Variants in FRMD4A observed in about 807,000 individuals in gnomAD.
FRMD4A encodes FERM domain-containing protein 4A.
A neutral mutation model predicts 129.1 loss-of-function variants in FRMD4A; 29 were observed. The observed-to-expected ratio is 0.22, with a 90% CI of 0.17 to 0.31. FRMD4A has a LOEUF of 0.31. FRMD4A is among the 10% of genes least tolerant of loss of function. FRMD4A has a pLI of 1.00. For missense variants in FRMD4A, 1,272 were observed against 1,375.8 expected (o/e 0.92, Z 1.19); for synonymous variants, 634 against 571.6 (o/e 1.11, Z -1.56).
intron 5 of FRMD4A, among the ~76,000 whole-genome samples, chr10:13,793,186 T>TG (rs1212505819): frequency 1.3e-5 from 2 of 151,880 alleles, no homozygotes; most frequent in Non-Finnish European, 2.9e-5. Flanking sequence ...TTTTTTTTTT[T>TG]TGTGAGATGG....
chr10:13,743,478 C>T (rs1169059603), intron 9 of FRMD4A, among the ~76,000 whole-genome samples: 1 of 152,106 alleles, frequency 6.6e-6, no homozygotes, highest in African/African-American at 2.4e-5. Flanking sequence ...GAGAGGGTCC[C>T]TGGGGTGAGT....
chr10:13,686,890 G>T (rs147806845), intron 15 of FRMD4A, among the ~76,000 whole-genome samples: 1 of 152,098 alleles, frequency 6.6e-6, no homozygotes, highest in African/African-American at 2.4e-5. Context: ...CAAGCCACAC[G>T]TCCCTGCAGC....
intron 8 of FRMD4A, among the ~76,000 whole-genome samples, chr10:13,755,817 C>T (rs549426716): frequency 2.6e-4 from 39 of 152,306 alleles, no homozygotes; most frequent in African/African-American, 9.4e-4. Flanking sequence ...GGCATTTCAT[C>T]TTGTAGAGAT....
intron 2 of FRMD4A, among the ~76,000 whole-genome samples, chr10:14,260,695 C>A (rs2132033022): frequency 6.6e-6 from 1 of 152,318 alleles, no homozygotes; most frequent in East Asian, 1.9e-4. Context: ...TATTCACAAC[C>A]ACACAGCCAG....
intron 2 of FRMD4A, among the ~76,000 whole-genome samples, chr10:14,061,629 T>C (rs1157462292): frequency 6.6e-6 from 1 of 152,164 alleles, no homozygotes; most frequent in Non-Finnish European, 1.5e-5. Context: ...TGATTTCTGA[T>C]TTCTGTTCAG....
chr10:14,189,305 T>C (rs1842245276), intron 2 of FRMD4A, among the ~76,000 whole-genome samples: 1 of 152,014 alleles, frequency 6.6e-6, no homozygotes, highest in Non-Finnish European at 1.5e-5. Context: ...CCGGCGCGGT[T>C]GCTCACGCCT....
At chr10:14,108,903 A>G (rs887246099) in intron 2 of FRMD4A, among the ~76,000 whole-genome samples, 1 of 152,156 alleles carries the variant, frequency 6.6e-6, no homozygotes, top group South Asian at 2.1e-4. Flanking sequence ...TACAATCTCA[A>G]AGTCTCTGGC....
intron 2 of FRMD4A, among the ~76,000 whole-genome samples, chr10:13,906,362 C>G (rs1176791118): frequency 6.6e-6 from 1 of 152,164 alleles, no homozygotes; most frequent in East Asian, 1.9e-4. Flanking sequence ...GTAGCTGACT[C>G]CTGAGGTTTG....
At chr10:13,996,209 A>G (rs2131442578) in intron 2 of FRMD4A, among the ~76,000 whole-genome samples, 1 of 152,312 alleles carries the variant, frequency 6.6e-6, no homozygotes, top group South Asian at 2.1e-4. Flanking sequence ...ACTTTAGGGG[A>G]TAGGATTTCA....
At chr10:13,924,723 C>T (rs770483512) in intron 2 of FRMD4A, among the ~76,000 whole-genome samples, 1 of 152,042 alleles carries the variant, frequency 6.6e-6, no homozygotes, top group Non-Finnish European at 1.5e-5. Context: ...AGCATGGGCA[C>T]GGACATGTTT....
chr10:13,725,537 CT>C (rs538714327), intron 12 of FRMD4A, among the ~76,000 whole-genome samples: 40 of 147,666 alleles, frequency 2.7e-4, no homozygotes, highest in Middle Eastern at 3.6e-3. Flanking sequence ...CAGGGCAATG[CT>C]TTTTTTTTTT....
At chr10:14,146,312 G>A (rs569239753) in intron 2 of FRMD4A, among the ~76,000 whole-genome samples, 6 of 152,186 alleles carry the variant, frequency 3.9e-5, no homozygotes, top group Non-Finnish European at 7.3e-5. Flanking sequence ...CCTACAAGAC[G>A]TGGAAAATAG....
intron 2 of FRMD4A, among the ~76,000 whole-genome samples, chr10:14,167,062 G>A (rs1394989606): frequency 1.3e-5 from 2 of 152,132 alleles, no homozygotes; most frequent in African/African-American, 2.4e-5. Context: ...TGAATCGATA[G>A]TCTATTCCAA....
At chr10:13,783,733 C>A (rs2092791086) in intron 5 of FRMD4A, among the ~76,000 whole-genome samples, 2 of 152,112 alleles carry the variant, frequency 1.3e-5, no homozygotes, top group African/African-American at 4.8e-5. Context: ...TACTACTACT[C>A]CCGAAGGTGG....
At chr10:13,957,806 C>G (rs1376268954) in intron 2 of FRMD4A, among the ~76,000 whole-genome samples, 3 of 152,138 alleles carry the variant, frequency 2.0e-5, no homozygotes, top group Non-Finnish European at 2.9e-5. Flanking sequence ...TTTCTGGCCC[C>G]TAAAACTCGC....
At chr10:14,059,441 A>C (rs907300090) in intron 2 of FRMD4A, among the ~76,000 whole-genome samples, 1 of 150,528 alleles carries the variant, frequency 6.6e-6, no homozygotes, top group Non-Finnish European at 1.5e-5. Context: ...TGTGCTTACA[A>C]GAAGAGATGT....
At chr10:14,264,951 T>C (rs939142563) in intron 2 of FRMD4A, among the ~76,000 whole-genome samples, 1 of 152,124 alleles carries the variant, frequency 6.6e-6, no homozygotes, top group African/African-American at 2.4e-5. Flanking sequence ...CTGGCTAATT[T>C]TTGTATTTTT....
chr10:13,939,574 T>C (rs1477853304), intron 2 of FRMD4A, among the ~76,000 whole-genome samples: 1 of 152,240 alleles, frequency 6.6e-6, no homozygotes, highest in Non-Finnish European at 1.5e-5. Context: ...ATGTTATTTT[T>C]TCCTCCAGAA....
At chr10:14,252,208 G>A (rs1461169990) in intron 2 of FRMD4A, among the ~76,000 whole-genome samples, 1 of 152,000 alleles carries the variant, frequency 6.6e-6, no homozygotes, top group African/African-American at 2.4e-5. Context: ...AAAGTAAAAT[G>A]TATCCATAAA....
Sources: gnomAD v4.1 joint callset for allele counts (sites outside exome capture counted in the v4.1 genomes callset) on GRCh38, gnomAD v4.1.1 for gene constraint, MANE v1.5 for transcripts, NCBI Gene and HGNC (gene_info 2026-07-23, HGNC 2026-07-21) for gene names.